Variants in TMTC1 observed in about 807,000 individuals in gnomAD.
TMTC1 encodes the protein protein O-mannosyl-transferase TMTC1.
In TMTC1, 73 loss-of-function variants were observed where a neutral mutation model predicts 104.8. The ratio of observed to expected loss-of-function variants is 0.70; its 90% CI spans 0.58 to 0.85. The LOEUF is 0.85. TMTC1 is among the 40% of genes least tolerant of loss of function. The pLI, the probability that TMTC1 is intolerant of heterozygous loss-of-function variation, is 0.00. For missense variants in TMTC1, 1,035 were observed against 1,096.1 expected, an observed-to-expected ratio of 0.94 and a Z score of 0.79; for synonymous variants, 434 against 428.7, an observed-to-expected ratio of 1.01 and a Z score of -0.15.
chr12:29,572,284 T>G, intron 8 of TMTC1, 66 bp from the exon 9 acceptor site: 1 of 1,300,586 alleles, frequency 7.7e-7, no homozygotes, highest in Non-Finnish European at 1.1e-6. Flanking sequence ...TTCCTTTATG[T>G]TTTACTCAGT....
chr12:29,729,262 T>C (rs963773383), intron 5 of TMTC1, among the ~76,000 whole-genome samples: 1 of 151,840 alleles, frequency 6.6e-6, no homozygotes, highest in Admixed American at 6.6e-5. Flanking sequence ...ATCTGCTAAC[T>C]CCACTGTCTC....
rs753124802 is a variant in TMTC1, at chr12:29,572,154, C to T, written c.1483G>A (p.Asp495Asn). Residue 495 changes from aspartate (D) to asparagine (N), a missense_variant, in exon 9 of 18, where the codon GAC (aspartate) becomes AAC (asparagine). Asp to Asn is a conservative substitution (Grantham distance 23). Coordinates refer to ENST00000539277, the MANE Select transcript of TMTC1 (RefSeq NM_001193451.2). Reference sequence around the variant, plus strand: ...ATCGCTTCCTTGTTCCGACCTTGGTCCTTCAGGAAATTGGCATAGTTGTAG... The same window carrying T: ...ATCGCTTCCTTGTTCCGACCTTGGTTCTTCAGGAAATTGGCATAGTTGTAG... ...VHYNYANFLK[D>N]QGRNKEAIYH... 6.2e-7 allele frequency: 1 copy of T among 1,613,958 alleles called. No homozygotes were observed. Among genetic ancestry groups the T allele is most frequent in the South Asian group, 1.1e-5 (1 of 91,068 alleles).
At chr12:29,542,823 G>A (rs909339867) in intron 10 of TMTC1, among the ~76,000 whole-genome samples, 1 of 152,176 alleles carries the variant, frequency 6.6e-6, no homozygotes, top group African/African-American at 2.4e-5. Flanking sequence ...AAATGTGGCA[G>A]GATGGGGTTG....
Position 29,703,564 on chromosome 12 carries a change from C to T in TMTC1, c.938+48102G>A, listed in dbSNP as rs115099212. ...GCTTTTTTCCAAGATACCATTTGCTCGGATTAAATTATGCTTAATGCCAAG... is the reference window on the plus strand; with the variant it reads ...GCTTTTTTCCAAGATACCATTTGCTTGGATTAAATTATGCTTAATGCCAAG... On this transcript the variant is annotated intron_variant, in intron 5 of 17. Transcript: ENST00000539277. Among the ~76,000 whole-genome samples, 1,329 of 152,226 alleles carry T rather than the reference C, an allele frequency of 8.7e-3. 17 individuals carry two copies. The highest frequency in any genetic ancestry group is 0.03 in the African/African-American group (1,261 of 41,542).
At chr12:29,666,503 G>T (rs1940294224) in intron 5 of TMTC1, among the ~76,000 whole-genome samples, 1 of 151,940 alleles carries the variant, frequency 6.6e-6, no homozygotes, top group South Asian at 2.1e-4. Context: ...AAAGTGCTGG[G>T]ATTACAGGTG....
chr12:29,518,397 C>G, intron 13 of TMTC1, 75 bp downstream of exon 13: 5 of 1,550,616 alleles, frequency 3.2e-6, no homozygotes. Flanking sequence ...CACACCTATT[C>G]TGATTAACTA....
At chr12:29,706,835 A>T (rs1941759298) in intron 5 of TMTC1, among the ~76,000 whole-genome samples, 1 of 152,064 alleles carries the variant, frequency 6.6e-6, no homozygotes, top group African/African-American at 2.4e-5. Flanking sequence ...GTTGGGGGTG[A>T]TGAAGGATTT....
In TMTC1 at chr12:29,627,943, G is replaced by A. The variant is rs1452218575; in HGVS notation, c.1128+5204C>T. Among the ~76,000 whole-genome samples the A allele has an allele frequency of 5.9e-5, 9 of 152,272 alleles. 1 individual carries two copies. The highest frequency in any genetic ancestry group is 2.2e-4 in the African/African-American group (9 of 41,552). On this transcript the variant is annotated intron_variant, in intron 6 of 17. Coordinates refer to ENST00000539277, the MANE Select transcript of TMTC1 (RefSeq NM_001193451.2). Reference sequence around the variant, plus strand: ...GCCCTCCCCATACCAAAAAGACGCAGCTTCCTTATCCTCAAGGATGAGAAA... The same window carrying A: ...GCCCTCCCCATACCAAAAAGACGCAACTTCCTTATCCTCAAGGATGAGAAA...
chr12:29,674,220 G>A (rs1001438635), intron 5 of TMTC1, among the ~76,000 whole-genome samples: 3 of 152,192 alleles, frequency 2.0e-5, no homozygotes, highest in Non-Finnish European at 2.9e-5. Flanking sequence ...AGGAGACTAC[G>A]CAGGCCTTTT....
Position 29,583,437 on chromosome 12 carries a change from T to C in TMTC1, c.1388A>G (p.Glu463Gly), listed in dbSNP as rs137975204. Residue 463 changes from glutamate to glycine, a missense_variant, in exon 8 of 18, where the codon GAA becomes GGA. Physicochemically the swap from Glu to Gly is moderately conservative, Grantham distance 98. Coordinates refer to ENST00000539277, the MANE Select transcript of TMTC1 (RefSeq NM_001193451.2). ...LFSWKTVKQN[E>G]IWLSRESLFR... ...TAGGGACTCTCTTGACAGCCAAATTTCATTCTGTTTCACAGTTTTCCAAGA... is the reference window on the plus strand; with the variant it reads ...TAGGGACTCTCTTGACAGCCAAATTCCATTCTGTTTCACAGTTTTCCAAGA... 2.5e-6 allele frequency: 4 copies of C among 1,613,808 alleles called. No homozygotes were observed. The African/African-American group carries it at 5.3e-5, about 22-fold the overall frequency.
At chr12:29,604,427 T>C (rs189279488) in intron 6 of TMTC1, 128 bp from the exon 7 acceptor site, 2 of 1,272,840 alleles carry the variant, frequency 1.6e-6, no homozygotes, top group East Asian at 2.5e-5. Context: ...ATAAACCTTT[T>C]GACCGGCGTG....
At chr12:29,780,932 T>C (rs966944741) in intron 1 of TMTC1, among the ~76,000 whole-genome samples, 1 of 152,232 alleles carries the variant, frequency 6.6e-6, no homozygotes, top group Non-Finnish European at 1.5e-5. Flanking sequence ...TTTGCACATA[T>C]TTAAAGGGCC....
intron 5 of TMTC1, among the ~76,000 whole-genome samples, chr12:29,694,583 G>C (rs901335906): frequency 1.3e-5 from 2 of 151,740 alleles, no homozygotes; most frequent in African/African-American, 4.9e-5. Context: ...GATATGGAAG[G>C]CTGGCTGCAT....
chr12:29,670,825 G>A (rs1401189340), intron 5 of TMTC1, among the ~76,000 whole-genome samples: 3 of 151,038 alleles, frequency 2.0e-5, no homozygotes, highest in Non-Finnish European at 4.4e-5. Flanking sequence ...CAGCTACTCA[G>A]GAAACTGAGG....
intron 5 of TMTC1, among the ~76,000 whole-genome samples, chr12:29,738,865 G>C: frequency 6.6e-6 from 1 of 152,164 alleles, no homozygotes. Flanking sequence ...TGCACTCAAG[G>C]CTCCTGTTAC....
chr12:29,611,177 C>CT (rs1555176122), intron 6 of TMTC1, among the ~76,000 whole-genome samples: 10,184 of 129,954 alleles, frequency 0.078, 1,172 homozygotes, highest in African/African-American at 0.29. Flanking sequence ...TTCTGAACTT[C>CT]TTTTTTTTTT....
At position 29,506,257 on chromosome 12, in the gene TMTC1, A is replaced by C. The variant is rs1055666918; in HGVS notation, c.*589T>G. 6.6e-6 allele frequency: 1 copy of C among 152,264 alleles called. No homozygotes were observed. Among genetic ancestry groups the C allele is most frequent in the Non-Finnish European group, 1.5e-5 (1 of 68,094 alleles). The allele number at this position is 152,264 out of a possible 1,614,324, so 9.4% of individuals were successfully genotyped here. A position where few individuals can be genotyped will look rare whatever the true frequency, so the allele number is the denominator to read the frequency against. On this transcript the variant is annotated 3_prime_UTR_variant, in exon 18 of 18. Coordinates refer to ENST00000539277, the MANE Select transcript of TMTC1 (RefSeq NM_001193451.2). Reference sequence around the variant, plus strand: ...CCCTGTAATTCCTCAAAAAAGCACTAGTAAAACTCTTAGGAGGATATTAGA... The same window carrying C: ...CCCTGTAATTCCTCAAAAAAGCACTCGTAAAACTCTTAGGAGGATATTAGA...
At chr12:29,533,038 G>A (rs1336115700) in intron 11 of TMTC1, 1 of 152,024 alleles carries the variant, frequency 6.6e-6, no homozygotes, top group Non-Finnish European at 1.5e-5. Flanking sequence ...ACTCACACCA[G>A]AATGCATAGA....
At chr12:29,593,151 T>C (rs1220117661) in intron 7 of TMTC1, among the ~76,000 whole-genome samples, 2 of 152,200 alleles carry the variant, frequency 1.3e-5, no homozygotes, top group East Asian at 3.8e-4. Context: ...TTCTCTGCCA[T>C]CCGTGAGTTC....
Sources: gnomAD v4.1 joint callset for allele counts (sites outside exome capture counted in the v4.1 genomes callset) on GRCh38, gnomAD v4.1.1 for gene constraint, MANE v1.5 for transcripts, NCBI Gene and HGNC (gene_info 2026-07-23, HGNC 2026-07-21) for gene names.